The following PCDHGB3 variants were observed in gnomAD, a reference collection of about 807,000 sequenced individuals.
PCDHGB3 encodes protocadherin gamma subfamily B, 3.
In PCDHGB3, 40 loss-of-function variants were observed where a neutral mutation model predicts 59.2. That is an observed-to-expected ratio of 0.68 (90% confidence interval 0.52 to 0.88). The LOEUF is 0.88. PCDHGB3 is among the 40% of genes least tolerant of loss of function. The probability of loss-of-function intolerance (pLI) is 0.00; values close to 1 mark genes in which losing one functional copy is unlikely to be tolerated. For synonymous variants in PCDHGB3, 581 were observed against 503.6 expected (o/e 1.15, Z -2.06); for missense variants, 1,309 against 1,187.9 (o/e 1.10, Z -1.50).
intron 1 of PCDHGB3, chr5:141,389,851 C>T (rs375044667): frequency 6.2e-7 from 1 of 1,614,054 alleles, no homozygotes; most frequent in Non-Finnish European, 8.5e-7. Context: ...TCGGCCACTG[C>T]CACGTTGCAC....
chr5:141,398,344 C>T (rs901692894), intron 1 of PCDHGB3: 2 of 1,372,186 alleles, frequency 1.5e-6, no homozygotes, highest in Non-Finnish European at 2.0e-6. Context: ...TTCGGAGAAG[C>T]CTTACTTCAC....
intron 1 of PCDHGB3, chr5:141,390,668 A>C: frequency 5.2e-6 from 1 of 191,616 alleles, no homozygotes; most frequent in South Asian, 1.1e-4. Flanking sequence ...ATAAATATAA[A>C]AATAATAAAG....
chr5:141,414,377 C>T (rs2095740461), intron 1 of PCDHGB3: 1 of 1,613,760 alleles, frequency 6.2e-7, no homozygotes, highest in South Asian at 1.1e-5. Context: ...TTAGAAAAGT[C>T]CATTGACAGT....
chr5:141,384,219 G>A lies in PCDHGB3; in HGVS notation c.2415+11410G>A, dbSNP rs1283583728. The A allele has an allele frequency of 2.5e-6, 4 of 1,613,744 alleles. No individual in the cohort carries two copies. The East Asian group carries it at 8.9e-5, about 36-fold the overall frequency. On this transcript the variant is annotated intron_variant, in intron 1 of 3. Coordinates refer to ENST00000576222, the MANE Select transcript of PCDHGB3 (RefSeq NM_018924.5). ...TGTCCAGGGAAACTCACATATTCAT[G>A]CAGGTGGCAGACACCAACGATAACC... is the stretch of plus-strand genomic sequence containing the variant.
rs376819906 is a variant in PCDHGB3 at position 141,418,227 on chromosome 5, T to C, written c.2415+45418T>C. On this transcript the variant is annotated intron_variant, in intron 1 of 3. Transcript: ENST00000576222. ...AATATTTTTCATGTCATTGTGGTGA[T>C]TGAGGATGTTAATGACCACGCCCCT... The C allele has an allele frequency of 6.8e-6, 11 of 1,613,856 alleles. No homozygotes were observed. In the South Asian group the frequency reaches 7.7e-5, roughly 11 times the overall value.
At chr5:141,386,122 A>G (rs980639132) in intron 1 of PCDHGB3, 1 of 152,152 alleles carries the variant, frequency 6.6e-6, no homozygotes, top group Non-Finnish European at 1.5e-5. Flanking sequence ...AAAGTGGGAG[A>G]TTGGGGATAC....
intron 1 of PCDHGB3, among the ~76,000 whole-genome samples, chr5:141,484,730 G>T (rs1231473842): frequency 6.6e-6 from 1 of 151,728 alleles, no homozygotes; most frequent in Non-Finnish European, 1.5e-5. Context: ...GGGGTCAGTC[G>T]GTGTGTTAGG....
chr5:141,497,473 AGGT>A (rs2099776769), intron 2 of PCDHGB3, among the ~76,000 whole-genome samples: 1 of 151,750 alleles, frequency 6.6e-6, no homozygotes. Flanking sequence ...ATGGAGGAGA[AGGT>A]GCGGAACCTC....
In PCDHGB3 at chr5:141,489,705, C is replaced by G; in HGVS notation, c.2416-5102C>G. The G allele has an allele frequency of 6.2e-7, 1 of 1,614,022 alleles. No homozygotes were observed. The highest frequency in any genetic ancestry group is 1.1e-5 in the South Asian group (1 of 91,074). ...CATCTGGGGCACGATTCCCACTGGA[C>G]AGTGCCCAGGATCCGGATGTGGGCA... On this transcript the variant is annotated intron_variant, in intron 1 of 3. Coordinates refer to ENST00000576222, the MANE Select transcript of PCDHGB3 (RefSeq NM_018924.5). The surrounding 1 kb of genome is among the most constrained non-coding windows in gnomAD (Gnocchi z 4.5).
chr5:141,450,264 C>T (rs1395960399), intron 1 of PCDHGB3, among the ~76,000 whole-genome samples: 1 of 152,112 alleles, frequency 6.6e-6, no homozygotes, highest in Non-Finnish European at 1.5e-5. Flanking sequence ...GTGATCTGCC[C>T]ACCTCAGCTA....
chr5:141,385,298 G>A (rs1409031209), intron 1 of PCDHGB3: 2 of 1,612,982 alleles, frequency 1.2e-6, no homozygotes, highest in Non-Finnish European at 8.5e-7. Context: ...TTTCAGGAAT[G>A]TAAAGAAAAC....
At chr5:141,413,524 A>G (rs772774054) in intron 1 of PCDHGB3, 7 of 1,613,974 alleles carry the variant, frequency 4.3e-6, no homozygotes, top group Non-Finnish European at 5.9e-6. Flanking sequence ...TGTGGAAGAC[A>G]GGGTGAAACT....
chr5:141,435,973 G>T (rs1420195337), intron 1 of PCDHGB3, among the ~76,000 whole-genome samples: 1 of 152,028 alleles, frequency 6.6e-6, no homozygotes, highest in East Asian at 1.9e-4. Context: ...AGAGTGTGTG[G>T]TTCTACTTGT....
chr5:141,447,161 C>T (rs1432238455), intron 1 of PCDHGB3, among the ~76,000 whole-genome samples: 1 of 151,728 alleles, frequency 6.6e-6, no homozygotes, highest in East Asian at 1.9e-4. Flanking sequence ...TTTGTTTAAG[C>T]GGGGTCTTGC....
chr5:141,487,348 C>T lies in PCDHGB3; in HGVS notation c.2416-7459C>T, dbSNP rs929693998. ...GTGGGGCAGCCTGTGGAGTCACATG[C>T]TTTCCTGCTGGCACCTGTGCCTGTC... On this transcript the variant is annotated intron_variant, in intron 1 of 3. Coordinates refer to ENST00000576222, the MANE Select transcript of PCDHGB3 (RefSeq NM_018924.5). The surrounding 1 kb of genome is among the most constrained non-coding windows in gnomAD (Gnocchi z 5.0). The T allele has an allele frequency of 2.5e-6, 4 of 1,614,080 alleles. No homozygotes were observed. The highest frequency in any genetic ancestry group is 2.2e-5 in the East Asian group (1 of 44,882).
chr5:141,462,122 C>T (rs1437400069), intron 1 of PCDHGB3, among the ~76,000 whole-genome samples: 1 of 152,044 alleles, frequency 6.6e-6, no homozygotes, highest in South Asian at 2.1e-4. Context: ...TGCACCCAGT[C>T]CAATTTTTTG....
At position 141,384,979 on chromosome 5, in the gene PCDHGB3, G is replaced by C. The variant is rs758247749; in HGVS notation, c.2415+12170G>C. 1.4e-4 allele frequency: 229 copies of C among 1,614,146 alleles called. 1 individual carries two copies. The highest frequency in any genetic ancestry group is 1.5e-5 in the Non-Finnish European group (18 of 1,180,036). On this transcript the variant is annotated intron_variant, in intron 1 of 3. Coordinates refer to ENST00000576222, the MANE Select transcript of PCDHGB3 (RefSeq NM_018924.5). ...CAACTATGACCTCACGTTGTACCTG[G>C]TGGTGGCGGTGGCCACAGTCTCCTG...
At chr5:141,400,652 T>A in intron 1 of PCDHGB3, 1 of 1,143,230 alleles carries the variant, frequency 8.7e-7, no homozygotes, top group Non-Finnish European at 1.3e-6. Flanking sequence ...AAAGCTGTCC[T>A]ACCATTCTTT....
chr5:141,433,079 A>C, intron 1 of PCDHGB3: 1 of 1,614,208 alleles, frequency 6.2e-7, no homozygotes, highest in South Asian at 1.1e-5. Flanking sequence ...CCCCCAGCCC[A>C]ACTATGCAGA....
Sources: allele counts gnomAD v4.1 joint callset (sites outside exome capture counted in the v4.1 genomes callset), GRCh38; gene constraint gnomAD v4.1.1; non-coding constraint Gnocchi (gnomAD v3.1); transcripts MANE v1.5; gene names NCBI Gene and HGNC (gene_info 2026-07-23, HGNC 2026-07-21).